The following BRIP1 variants were observed in gnomAD, a reference collection of about 807,000 sequenced individuals.
The protein encoded by BRIP1 is Fanconi anemia group J protein.
In BRIP1, 88 loss-of-function variants were observed where a neutral mutation model predicts 119.7. That is an observed-to-expected ratio of 0.74 (90% CI 0.62 to 0.88). The LOEUF is 0.88. Ranked by LOEUF, BRIP1 falls within the 40% of genes least tolerant of loss-of-function variation. The pLI is 0.00. For synonymous variants in BRIP1, 443 were observed against 496.5 expected (o/e 0.89, Z 1.43); for missense variants, 1,259 against 1,455.4 (o/e 0.87, Z 2.20).
rs771805501 is a variant in BRIP1, at chr17:61,683,402, G to A, written c.3644C>T (p.Thr1215Ile). The change falls in exon 20 of 20, where the codon ACA becomes ATA. Residue 1215 changes from threonine (T) to isoleucine (I), a missense_variant. Transcript: ENST00000259008. This position sits in a 1 kb window ranked among gnomAD's most constrained non-coding sequence, Gnocchi z 4.7. ...KIDDIDGNVK[T>I]TWINELELGK... ...CAGTTCCAGTTCATTTATCCAAGTT[G>A]TTTTTACATTACCATCAATGTCATC... The A allele has an allele frequency of 6.2e-7, 1 of 1,613,370 alleles. No homozygotes were observed. The highest frequency in any genetic ancestry group is 8.5e-7 in the Non-Finnish European group (1 of 1,179,656).
At chr17:61,821,555 G>T (rs893724468) in intron 6 of BRIP1, among the ~76,000 whole-genome samples, 5 of 150,850 alleles carry the variant, frequency 3.3e-5, no homozygotes, top group African/African-American at 1.2e-4. Context: ...TTACAGACAG[G>T]GTCTCATTCT....
In BRIP1 at chr17:61,808,358, T is replaced by C. The variant is rs1416646646; in HGVS notation, c.918+109A>G. 13 of 1,183,680 alleles carry C rather than the reference T, an allele frequency of 1.1e-5. No homozygotes were observed. The East Asian group carries it at 2.0e-4, about 18-fold the overall frequency. The allele number at this position is 1,183,680 out of a possible 1,614,324, so 73.3% of individuals were successfully genotyped here. On this transcript the variant is annotated intron_variant, in intron 7 of 19. Transcript: ENST00000259008. The surrounding 1 kb of genome is among the most constrained non-coding windows in gnomAD (Gnocchi z 4.1). ...AAAGATATCAATACTAGCAGTTAAT[T>C]TGATTTTCCGAAGTTGATTATCACT...
chr17:61,697,708 G>A (rs1156586034), intron 17 of BRIP1, among the ~76,000 whole-genome samples: 8 of 150,046 alleles, frequency 5.3e-5, no homozygotes, highest in Non-Finnish European at 8.9e-5. Flanking sequence ...TAATTGCCTC[G>A]CTTTGGGTTT....
At position 61,683,182 on chromosome 17, in the gene BRIP1, TAA is replaced by T; in HGVS notation, c.*112_*113del. The T allele has an allele frequency of 8.1e-7, 1 of 1,239,754 alleles. No homozygotes were observed. The highest frequency in any genetic ancestry group is 1.1e-6 in the Non-Finnish European group (1 of 879,446). The allele number at this position is 1,239,754 out of a possible 1,614,324, so 76.8% of individuals were successfully genotyped here. A position where few individuals can be genotyped will look rare whatever the true frequency, so the allele number is the denominator to read the frequency against. On this transcript the variant is annotated 3_prime_UTR_variant, in exon 20 of 20. Coordinates refer to ENST00000259008, the MANE Select transcript of BRIP1 (RefSeq NM_032043.3). The surrounding 1 kb of genome is among the most constrained non-coding windows in gnomAD (Gnocchi z 4.7). ...ATAATAACATTTACATTTCTGAACA[TAA>T]AATAGTTTTTTAAAAAGTATGCCAC...
Position 61,683,490 on chromosome 17 carries a change from T to C in BRIP1, c.3556A>G (p.Lys1186Glu), listed in dbSNP as rs766709841. The C allele has an allele frequency of 5.6e-6, 9 of 1,613,628 alleles. No individual in the cohort carries two copies. In the South Asian group the frequency reaches 9.9e-5, roughly 18 times the overall value. ...IKEVDSAREV[K>E]AEDCIDTKLN... ...TTTGTATCTATGCAATCCTCAGCTT[T>C]CACTTCTCTGGCTGAATCTACTTCT... The change falls in exon 20 of 20, where the codon AAA (lysine) becomes GAA (glutamate). Residue 1186 changes from lysine (K) to glutamate (E), a missense_variant. Around this residue, in one of 3 missense-constraint regions of BRIP1, gnomAD observed 753 missense variants for 891.8 expected, o/e 0.84. Coordinates refer to ENST00000259008, the MANE Select transcript of BRIP1 (RefSeq NM_032043.3). This position sits in a 1 kb window ranked among gnomAD's most constrained non-coding sequence, Gnocchi z 4.7.
intron 17 of BRIP1, among the ~76,000 whole-genome samples, chr17:61,712,893 A>G (rs1224403139): frequency 2.9e-5 from 3 of 102,602 alleles, no homozygotes; most frequent in Non-Finnish European, 4.0e-5. Context: ...ACAGAGCGAG[A>G]CTTCATCTCA....
rs960060244 is a variant in BRIP1, at chr17:61,704,773, A to G, written c.2492+11178T>C. ...GTATAGAGTTTTTCGTAGTATTCTCATATTATTCTTTTAATGCCTGTGGAG... is the reference window on the plus strand; with the variant it reads ...GTATAGAGTTTTTCGTAGTATTCTCGTATTATTCTTTTAATGCCTGTGGAG... On this transcript the variant is annotated intron_variant, in intron 17 of 19. Coordinates refer to ENST00000259008, the MANE Select transcript of BRIP1 (RefSeq NM_032043.3). This position sits in a 1 kb window ranked among gnomAD's most constrained non-coding sequence, Gnocchi z 5.7. Among the ~76,000 whole-genome samples, 1 of 152,020 alleles carries G rather than the reference A, an allele frequency of 6.6e-6. No individual in the cohort carries two copies. The highest frequency in any genetic ancestry group is 6.6e-5 in the Admixed American group (1 of 15,244).
At position 61,861,546 on chromosome 17, in the gene BRIP1, T is replaced by C. The variant is rs1299530709; in HGVS notation, c.-7A>G. The C allele has an allele frequency of 6.3e-7, 1 of 1,591,124 alleles. No individual in the cohort carries two copies. On this transcript the variant is annotated 5_prime_UTR_variant, in exon 2 of 20. Coordinates refer to ENST00000259008, the MANE Select transcript of BRIP1 (RefSeq NM_032043.3). The surrounding 1 kb of genome is among the most constrained non-coding windows in gnomAD (Gnocchi z 4.5). ...CAGACCACATTGAAGACATAGTGCT[T>C]TCCTGTTTATTTCAGATTCCTAACT...
Position 61,828,943 on chromosome 17 carries a change from G to A in BRIP1, c.627+18158C>T, listed in dbSNP as rs1003724125. Reference sequence around the variant, plus strand: ...CACTGTGATAAGTTTAAGATGCAAAGTATGAAGCAACTCACAAAAATAAAA... The same window carrying A: ...CACTGTGATAAGTTTAAGATGCAAAATATGAAGCAACTCACAAAAATAAAA... On this transcript the variant is annotated intron_variant, in intron 6 of 19. Transcript: ENST00000259008. This position sits in a 1 kb window ranked among gnomAD's most constrained non-coding sequence, Gnocchi z 4.1. 3.3e-5 allele frequency among the ~76,000 whole-genome samples: 5 copies of A among 152,080 alleles called. No individual in the cohort carries two copies. The highest frequency in any genetic ancestry group is 6.6e-5 in the Admixed American group (1 of 15,262).
intron 14 of BRIP1, among the ~76,000 whole-genome samples, chr17:61,772,612 A>C (rs1171480937): frequency 1.3e-5 from 2 of 152,116 alleles, no homozygotes; most frequent in Admixed American, 1.3e-4. Flanking sequence ...TGAGGTCGGG[A>C]GTTCAAGACC....
At chr17:61,819,653 C>T (rs1428579356) in intron 6 of BRIP1, among the ~76,000 whole-genome samples, 1 of 152,082 alleles carries the variant, frequency 6.6e-6, no homozygotes, top group African/African-American at 2.4e-5. Flanking sequence ...CATGTTCTCA[C>T]TCATTTGTGA....
intron 17 of BRIP1, among the ~76,000 whole-genome samples, chr17:61,696,497 T>G (rs1366429559): frequency 2.0e-5 from 3 of 152,050 alleles, no homozygotes; most frequent in Non-Finnish European, 2.9e-5. Context: ...TTCTCTCCCA[T>G]TTTTTGCTAG....
intron 14 of BRIP1, among the ~76,000 whole-genome samples, chr17:61,772,160 TATATATATATATATATATATATATATA>T (rs2077459580): frequency 2.0e-3 from 2 of 1,008 alleles, no homozygotes; most frequent in Non-Finnish European, 7.4e-3. Context: ...TGTGAGATTA[TATATATATATATATATATATATATATA>T]TATATATATA....
intron 18 of BRIP1, among the ~76,000 whole-genome samples, chr17:61,692,479 AC>A (rs1479715476): frequency 1.2e-4 from 18 of 152,114 alleles, no homozygotes; most frequent in African/African-American, 3.9e-4. Context: ...AAACAAAAAA[AC>A]ACACCAAAAA....
Position 61,687,900 on chromosome 17 carries a change from A to C in BRIP1, c.2576-1735T>G, listed in dbSNP as rs918692475. On this transcript the variant is annotated intron_variant, in intron 18 of 19. Coordinates refer to ENST00000259008, the MANE Select transcript of BRIP1 (RefSeq NM_032043.3). The surrounding 1 kb of genome is among the most constrained non-coding windows in gnomAD (Gnocchi z 5.1). Reference sequence around the variant, plus strand: ...GAGGCTGCCCCAGGGACTGGCTTCTATCTTACCTGTACTGAAGAGCTGACA... The same window carrying C: ...GAGGCTGCCCCAGGGACTGGCTTCTCTCTTACCTGTACTGAAGAGCTGACA... Among the ~76,000 whole-genome samples the C allele has an allele frequency of 2.0e-5, 3 of 152,142 alleles. No homozygotes were observed. The highest frequency in any genetic ancestry group is 4.4e-5 in the Non-Finnish European group (3 of 68,008).
Position 61,806,058 on chromosome 17 carries a change from C to A in BRIP1, c.918+2409G>T, listed in dbSNP as rs779367086. On this transcript the variant is annotated intron_variant, in intron 7 of 19. Coordinates refer to ENST00000259008, the MANE Select transcript of BRIP1 (RefSeq NM_032043.3). This position sits in a 1 kb window ranked among gnomAD's most constrained non-coding sequence, Gnocchi z 4.9. ...GAAACAATGAACAAAAACACATGTG[C>A]CTTGGATCAAGCCAAAAAATCAGAA... is the stretch of plus-strand genomic sequence containing the variant. Among the ~76,000 whole-genome samples, 15 of 152,142 alleles carry A rather than the reference C, an allele frequency of 9.9e-5. No individual in the cohort carries two copies. The highest frequency in any genetic ancestry group is 9.8e-4 in the Admixed American group (15 of 15,278).
At chr17:61,788,476 C>A (rs2077766847) in intron 10 of BRIP1, among the ~76,000 whole-genome samples, 1 of 152,020 alleles carries the variant, frequency 6.6e-6, no homozygotes, top group South Asian at 2.1e-4. Context: ...TAAGCTAATT[C>A]TAAAATTCAA....
At position 61,683,167 on chromosome 17, in the gene BRIP1, T is replaced by C; in HGVS notation, c.*129A>G. 1 of 1,160,890 alleles carries C rather than the reference T, an allele frequency of 8.6e-7. No individual in the cohort carries two copies. Among genetic ancestry groups the C allele is most frequent in the South Asian group, 1.5e-5 (1 of 66,560 alleles). The allele number at this position is 1,160,890 out of a possible 1,614,324, so 71.9% of individuals were successfully genotyped here. ...CCCAAAAACTCAAGAATAATAACAT[T>C]TACATTTCTGAACATAAAATAGTTT... On this transcript the variant is annotated 3_prime_UTR_variant, in exon 20 of 20. Coordinates refer to ENST00000259008, the MANE Select transcript of BRIP1 (RefSeq NM_032043.3). The surrounding 1 kb of genome is among the most constrained non-coding windows in gnomAD (Gnocchi z 4.7).
rs920703178 is a variant in BRIP1 at position 61,729,342 on chromosome 17, G to A, written c.2380-13279C>T. The stretch of plus-strand genomic sequence containing the variant: ...AGAAAGGAAATCATTTGATTACAGT[G>A]AACAGTATTTTCATAGTCATGATAA... On this transcript the variant is annotated intron_variant, in intron 16 of 19. Coordinates refer to ENST00000259008, the MANE Select transcript of BRIP1 (RefSeq NM_032043.3). The surrounding 1 kb of genome is among the most constrained non-coding windows in gnomAD (Gnocchi z 5.6). 6.6e-6 allele frequency among the ~76,000 whole-genome samples: 1 copy of A among 151,958 alleles called. No homozygotes were observed. Among genetic ancestry groups the A allele is most frequent in the African/African-American group, 2.4e-5 (1 of 41,376 alleles).
Sources: allele counts gnomAD v4.1 joint callset (sites outside exome capture counted in the v4.1 genomes callset), GRCh38; gene constraint gnomAD v4.1.1; regional missense constraint gnomAD v4.1.1; non-coding constraint Gnocchi (gnomAD v3.1); transcripts MANE v1.5; gene names NCBI Gene and HGNC (gene_info 2026-07-23, HGNC 2026-07-21).